The following CFAP46 variants were observed in gnomAD, a reference collection of about 807,000 sequenced individuals.
The protein encoded by CFAP46 is cilia and flagella associated protein 46, also known as cilia- and flagella-associated protein 46.
A neutral mutation model predicts 325.7 loss-of-function variants in CFAP46; 245 were observed. The observed-to-expected ratio is 0.75, with a 90% confidence interval of 0.68 to 0.84. CFAP46 has a LOEUF of 0.84. Among genes scored for constraint, CFAP46 ranks in the 40% least tolerant of loss-of-function variants. CFAP46 has a pLI of 0.00. For missense variants in CFAP46, 3,346 were observed against 3,543.0 expected (o/e 0.94, Z 1.41); for synonymous variants, 1,523 against 1,495.9 (o/e 1.02, Z -0.42).
intron 22 of CFAP46, among the ~76,000 whole-genome samples, chr10:132,904,726 C>T (rs754894674): frequency 3.9e-5 from 6 of 152,204 alleles, no homozygotes; most frequent in South Asian, 2.1e-4. Context: ...ACCTCTATGA[C>T]GCTGTCTTTG....
chr10:132,879,651 A>G lies in CFAP46; in HGVS notation c.3800-20T>C. 2 of 1,489,848 alleles carry G rather than the reference A, an allele frequency of 1.3e-6. No individual in the cohort carries two copies. Among genetic ancestry groups the G allele is most frequent in the Non-Finnish European group, 1.8e-6 (2 of 1,117,892 alleles). The allele number at this position is 1,489,848 out of a possible 1,614,324, so 92.3% of individuals were successfully genotyped here. ...ACTCCCCTGAAACACGGGGTGCCCG[A>G]GGCTGAGAGCAGGCCCGGCTACGGG... is the stretch of plus-strand genomic sequence containing the variant. On this transcript the variant is annotated intron_variant, in intron 28 of 57. Transcript: ENST00000368586.
chr10:132,941,043 G>C lies in CFAP46; in HGVS notation c.324C>G (p.Cys108Trp), dbSNP rs765835739. The C allele has an allele frequency of 9.3e-6, 15 of 1,613,986 alleles. No homozygotes were observed. Among genetic ancestry groups the C allele is most frequent in the Non-Finnish European group, 1.0e-5 (12 of 1,180,026 alleles). The change falls in exon 4 of 58, where the codon TGC becomes TGG. Residue 108 changes from cysteine to tryptophan, a missense_variant. Cys to Trp is a radical substitution (Grantham distance 215, BLOSUM62 -2). Coordinates refer to ENST00000368586, the MANE Select transcript of CFAP46 (RefSeq NM_001200049.3). ...SAENLEEFEN[C>W]VTEYMKAINF... ...TTATGGCCTTCATGTACTCAGTCAC[G>C]CAATTTTCAAATTCCTCCTAAGGCA...
At chr10:132,821,349 A>C (rs1338161402) in intron 50 of CFAP46, among the ~76,000 whole-genome samples, 119 of 79,970 alleles carry the variant, frequency 1.5e-3, no homozygotes, top group South Asian at 2.3e-3. Flanking sequence ...CTGTGTGCTG[A>C]TGTGTGCTGT....
chr10:132,911,491 C>T (rs557008909), intron 19 of CFAP46, among the ~76,000 whole-genome samples: 1 of 152,178 alleles, frequency 6.6e-6, no homozygotes, highest in South Asian at 2.1e-4. Context: ...CTCAAGGCCT[C>T]CCTGCCCCCG....
At chr10:132,814,513 T>A (rs1591028757) in intron 53 of CFAP46, 64 bp downstream of exon 53, 2 of 1,541,792 alleles carry the variant, frequency 1.3e-6, no homozygotes, top group East Asian at 4.9e-5. Flanking sequence ...TGCCCACAAC[T>A]GCAGGACGGC....
intron 35 of CFAP46, 106 bp from the exon 36 acceptor site, chr10:132,861,088 C>T: frequency 9.1e-7 from 1 of 1,102,896 alleles, no homozygotes; most frequent in Non-Finnish European, 1.3e-6. Context: ...GAGGCAGAGA[C>T]AGACAGACGC....
chr10:132,941,799 T>C (rs1850107177), intron 2 of CFAP46, 77 bp from the exon 3 acceptor site: 3 of 1,590,258 alleles, frequency 1.9e-6, no homozygotes, highest in Admixed American at 3.4e-5. Flanking sequence ...ACGGGCCCGC[T>C]TTCAGAACAG....
chr10:132,926,882 C>G (rs1043885730), intron 9 of CFAP46, among the ~76,000 whole-genome samples: 15 of 152,276 alleles, frequency 9.9e-5, no homozygotes, highest in African/African-American at 3.1e-4. Context: ...GCCCCACCAC[C>G]TGAGAGCGGC....
At chr10:132,929,006 G>A (rs1849850683) in intron 9 of CFAP46, among the ~76,000 whole-genome samples, 1 of 152,124 alleles carries the variant, frequency 6.6e-6, no homozygotes, top group Non-Finnish European at 1.5e-5. Flanking sequence ...GGCACAAAAT[G>A]TTCACTGCAG....
intron 35 of CFAP46, among the ~76,000 whole-genome samples, chr10:132,864,623 T>C (rs1363893505): frequency 9.0e-6 from 1 of 110,698 alleles, no homozygotes; most frequent in Non-Finnish European, 1.8e-5. Flanking sequence ...GCCCGAGACT[T>C]GCACACACCT....
chr10:132,927,015 T>C (rs1285827176), intron 9 of CFAP46, among the ~76,000 whole-genome samples: 2 of 152,120 alleles, frequency 1.3e-5, no homozygotes, highest in South Asian at 2.1e-4. Flanking sequence ...AAGCAATGTG[T>C]TGTACGTCAC....
chr10:132,907,051 T>TCC (rs1554883473), intron 22 of CFAP46, among the ~76,000 whole-genome samples: 3 of 152,244 alleles, frequency 2.0e-5, no homozygotes, highest in Non-Finnish European at 1.5e-5. Context: ...TGGCCTCGCA[T>TCC]CCCCACGGGT....
rs1186563930 is a variant in CFAP46 at position 132,876,026 on chromosome 10, CA to C, written c.4362+785del. Among the ~76,000 whole-genome samples, 1 of 152,200 alleles carries C rather than the reference CA, an allele frequency of 6.6e-6. No homozygotes were observed. Among genetic ancestry groups the C allele is most frequent in the African/African-American group, 2.4e-5 (1 of 41,454 alleles). ...TTCCTTCAAACCAATCAGGAAAAGT[CA>C]GAAAGCTTAATTAAATATGGGCGAC... On this transcript the variant is annotated intron_variant, in intron 31 of 57. Coordinates refer to ENST00000368586, the MANE Select transcript of CFAP46 (RefSeq NM_001200049.3). The surrounding 1 kb of genome is among the most constrained non-coding windows in gnomAD (Gnocchi z 4.1).
chr10:132,817,128 G>A lies in CFAP46; in HGVS notation c.7118-2214C>T, dbSNP rs1361861398. On this transcript the variant is annotated intron_variant, in intron 50 of 57. Transcript: ENST00000368586. The surrounding 1 kb of genome is among the most constrained non-coding windows in gnomAD (Gnocchi z 4.4). ...TCTCCCAGCGTTGGGGCTGGCCAACGGCTGCACCCCGCGGTTTTTGCTTTT... is the reference window on the plus strand; with the variant it reads ...TCTCCCAGCGTTGGGGCTGGCCAACAGCTGCACCCCGCGGTTTTTGCTTTT... 6.6e-6 allele frequency among the ~76,000 whole-genome samples: 1 copy of A among 152,040 alleles called. No homozygotes were observed. The highest frequency in any genetic ancestry group is 2.4e-5 in the African/African-American group (1 of 41,412).
At chr10:132,895,750 G>A (rs903267478) in intron 24 of CFAP46, among the ~76,000 whole-genome samples, 2 of 152,216 alleles carry the variant, frequency 1.3e-5, no homozygotes, top group Non-Finnish European at 2.9e-5. Context: ...TTCATATCCT[G>A]AGACTCTAAC....
rs759297161 is a variant in CFAP46, at chr10:132,912,741, C to T, written c.2413G>A (p.Glu805Lys). ...GGTCGCATGAATTTCCTGGACTTCT[C>T]GGCAGCCTGGACTGGAATCCAGCTG... ...IISWIPVQAA[E>K]KSRKFMRPNA... The change falls in exon 19 of 58, where the codon GAG becomes AAG. Residue 805 changes from glutamate (E) to lysine (K), a missense_variant. Physicochemically the swap from Glu to Lys is moderately conservative, Grantham distance 56 (BLOSUM62 1). Transcript: ENST00000368586. 2.0e-5 allele frequency: 31 copies of T among 1,550,230 alleles called. No homozygotes were observed. Among genetic ancestry groups the T allele is most frequent in the South Asian group, 8.3e-5 (7 of 84,068 alleles).
At chr10:132,811,553 G>A (rs1847581927) in intron 55 of CFAP46, among the ~76,000 whole-genome samples, 1 of 152,196 alleles carries the variant, frequency 6.6e-6, no homozygotes, top group African/African-American at 2.4e-5. Flanking sequence ...CCTGGCCTGG[G>A]CCCTCCACGG....
chr10:132,823,661 G>C (rs1284652427), intron 50 of CFAP46, among the ~76,000 whole-genome samples: 3 of 128,766 alleles, frequency 2.3e-5, no homozygotes, highest in Non-Finnish European at 4.9e-5. Context: ...TGTGTGCTGT[G>C]TGCGCTGATG....
intron 44 of CFAP46, among the ~76,000 whole-genome samples, chr10:132,837,768 CGTACACAG>C: frequency 6.7e-6 from 1 of 148,700 alleles, no homozygotes; most frequent in African/African-American, 2.5e-5. Context: ...CACACGCACA[CGTACACAG>C]ATGCACACAG....
Sources: allele counts gnomAD v4.1 joint callset (sites outside exome capture counted in the v4.1 genomes callset), GRCh38; gene constraint gnomAD v4.1.1; non-coding constraint Gnocchi (gnomAD v3.1); transcripts MANE v1.5; gene names NCBI Gene and HGNC (gene_info 2026-07-23, HGNC 2026-07-21).